Variants in MACROD2 observed in about 807,000 individuals in gnomAD.
MACROD2 encodes ADP-ribose glycohydrolase MACROD2.
A neutral mutation model predicts 70.4 loss-of-function variants in MACROD2; 36 were observed. The observed-to-expected ratio is 0.51, with a 90% CI of 0.39 to 0.68. MACROD2 has a LOEUF of 0.68. Among genes scored for constraint, MACROD2 ranks in the 30% least tolerant of loss-of-function variants. The pLI is 0.00. For missense variants in MACROD2, 496 were observed against 538.4 expected (o/e 0.92, Z 0.78); for synonymous variants, 172 against 178.8 (o/e 0.96, Z 0.30).
At chr20:14,077,009 G>T (rs113279269) in intron 2 of MACROD2, among the ~76,000 whole-genome samples, 4 of 152,000 alleles carry the variant, frequency 2.6e-5, no homozygotes, top group African/African-American at 9.7e-5. Flanking sequence ...TTAGGTTTTT[G>T]CTTTTATAAT....
chr20:15,754,923 A>G lies in MACROD2; in HGVS notation c.646-107822A>G, dbSNP rs376170607. Among the ~76,000 whole-genome samples the G allele has an allele frequency of 3.3e-5, 5 of 151,718 alleles. 1 individual carries two copies. Among genetic ancestry groups the G allele is most frequent in the African/African-American group, 1.2e-4 (5 of 41,386 alleles). ...TCCCAGGCTGGAGTCCAGTGGTGTAATCTTGGCTCACTGCAACCTCTGCCT... is the reference window on the plus strand; with the variant it reads ...TCCCAGGCTGGAGTCCAGTGGTGTAGTCTTGGCTCACTGCAACCTCTGCCT... On this transcript the variant is annotated intron_variant, in intron 8 of 17. Transcript: ENST00000684519.
intron 8 of MACROD2, among the ~76,000 whole-genome samples, chr20:15,754,227 T>G (rs905828473): frequency 1.3e-5 from 2 of 152,220 alleles, no homozygotes; most frequent in African/African-American, 4.8e-5. Context: ...AACTAAAGTT[T>G]GTTTCTTTGT....
intron 3 of MACROD2, among the ~76,000 whole-genome samples, chr20:14,265,687 C>T (rs1182964295): frequency 6.6e-6 from 1 of 151,934 alleles, no homozygotes; most frequent in Admixed American, 6.6e-5. Flanking sequence ...CCTACTATAT[C>T]TCACATTTTA....
intron 15 of MACROD2, among the ~76,000 whole-genome samples, chr20:16,033,825 A>G (rs1451135976): frequency 1.3e-5 from 2 of 149,322 alleles, no homozygotes; most frequent in Non-Finnish European, 1.5e-5. Context: ...AAGTAAGCAG[A>G]CTTGAGGTTC....
intron 4 of MACROD2, among the ~76,000 whole-genome samples, chr20:14,494,712 G>T (rs2084834483): frequency 6.6e-6 from 1 of 152,122 alleles, no homozygotes; most frequent in Admixed American, 6.6e-5. Context: ...AACAGTGGGG[G>T]ATTCATAAAT....
chr20:15,466,142 A>G (rs1237144923), intron 7 of MACROD2, among the ~76,000 whole-genome samples: 1 of 152,238 alleles, frequency 6.6e-6, no homozygotes, highest in African/African-American at 2.4e-5. Flanking sequence ...TTTCTTGATC[A>G]GAAAAAGTCG....
chr20:15,984,109 T>C (rs553018476), intron 13 of MACROD2, among the ~76,000 whole-genome samples: 1 of 134,384 alleles, frequency 7.4e-6, no homozygotes. Context: ...GGTAAGATTT[T>C]ATAGACTTTT....
At position 14,315,955 on chromosome 20, in the gene MACROD2, A is replaced by AT. The variant is rs201957888; in HGVS notation, c.272-177517dup. On this transcript the variant is annotated intron_variant, in intron 3 of 17. Coordinates refer to ENST00000684519, the MANE Select transcript of MACROD2 (RefSeq NM_001351661.2). ...AATATAACATAACAATAATTCACAG[A>AT]TTTTTTTAAAGATTATTGAAAAACA... Among the ~76,000 whole-genome samples the AT allele has an allele frequency of 5.9e-5, 9 of 152,160 alleles. No individual in the cohort carries two copies. In the East Asian group the frequency reaches 9.6e-4, roughly 16 times the overall value.
At chr20:15,351,526 T>C (rs550536396) in intron 6 of MACROD2, among the ~76,000 whole-genome samples, 33 of 152,184 alleles carry the variant, frequency 2.2e-4, no homozygotes, top group Non-Finnish European at 3.8e-4. Context: ...GGAAACCTCC[T>C]GTTTGAGATC....
chr20:15,907,996 C>G (rs905953884), intron 10 of MACROD2, among the ~76,000 whole-genome samples: 1 of 152,176 alleles, frequency 6.6e-6, no homozygotes, highest in Non-Finnish European at 1.5e-5. Context: ...CTTTTTTAGA[C>G]ATTCTTTTTC....
chr20:14,324,939 G>A (rs1433706346), intron 3 of MACROD2: 1 of 152,500 alleles, frequency 6.6e-6, no homozygotes, highest in African/African-American at 2.4e-5. Flanking sequence ...CTTTTTTAAG[G>A]ATAATTAATT....
chr20:16,036,531 G>A (rs1213523008), intron 15 of MACROD2, among the ~76,000 whole-genome samples: 1 of 151,916 alleles, frequency 6.6e-6, no homozygotes, highest in Middle Eastern at 3.2e-3. Flanking sequence ...TCCCCTGCTA[G>A]GAGCTCTGGA....
chr20:15,898,048 G>T (rs1326881866), intron 10 of MACROD2, among the ~76,000 whole-genome samples: 1 of 152,130 alleles, frequency 6.6e-6, no homozygotes, highest in Non-Finnish European at 1.5e-5. Context: ...TTGGCTAATG[G>T]TCCTTAAACC....
At chr20:15,933,255 C>T (rs1340964486) in intron 10 of MACROD2, 21 bp from the exon 11 acceptor site, 5 of 1,607,188 alleles carry the variant, frequency 3.1e-6, no homozygotes, top group East Asian at 4.5e-5. Context: ...CATTTTTTTT[C>T]CTCTGTGGTT....
At chr20:15,815,994 C>T (rs975917772) in intron 8 of MACROD2, among the ~76,000 whole-genome samples, 2 of 151,832 alleles carry the variant, frequency 1.3e-5, no homozygotes, top group Non-Finnish European at 2.9e-5. Context: ...GCTATCTTTC[C>T]TTCCCCAGTC....
intron 3 of MACROD2, among the ~76,000 whole-genome samples, chr20:14,462,050 G>C (rs188489334): frequency 8.5e-5 from 13 of 152,104 alleles, no homozygotes; most frequent in African/African-American, 3.1e-4. Context: ...TGTTCTTCCA[G>C]TAATGGGATG....
chr20:15,453,996 G>A (rs988156018), intron 7 of MACROD2, among the ~76,000 whole-genome samples: 15 of 152,074 alleles, frequency 9.9e-5, no homozygotes, highest in East Asian at 1.9e-4. Context: ...CACGCAATCC[G>A]AGCTTTATGC....
intron 15 of MACROD2, among the ~76,000 whole-genome samples, chr20:16,020,815 T>C (rs2066991515): frequency 6.6e-6 from 1 of 152,026 alleles, no homozygotes; most frequent in Admixed American, 6.6e-5. Flanking sequence ...ACTCAAAGCC[T>C]CGCTCGGCTC....
chr20:15,060,423 G>A (rs1269343696), intron 5 of MACROD2, among the ~76,000 whole-genome samples: 1 of 152,146 alleles, frequency 6.6e-6, no homozygotes, highest in Non-Finnish European at 1.5e-5. Context: ...CACGGCCCAA[G>A]ACCCAGCACC....
Sources: gnomAD v4.1 joint callset for allele counts (sites outside exome capture counted in the v4.1 genomes callset) on GRCh38, gnomAD v4.1.1 for gene constraint, MANE v1.5 for transcripts, NCBI Gene and HGNC (gene_info 2026-07-23, HGNC 2026-07-21) for gene names.